Variants in PPP2R2A observed in about 807,000 individuals in gnomAD.
PPP2R2A encodes the protein protein phosphatase 2 regulatory subunit Balpha.
Under a neutral mutation model 53.2 loss-of-function variants are expected in PPP2R2A, and 9 were observed. The observed-to-expected ratio is 0.17, with a 90% confidence interval of 0.10 to 0.30. The LOEUF is 0.30. PPP2R2A is among the 10% of genes least tolerant of loss of function. The pLI, the probability that PPP2R2A is intolerant of heterozygous loss-of-function variation, is 1.00. For missense variants in PPP2R2A, 235 were observed against 534.6 expected, an observed-to-expected ratio of 0.44 and a Z score of 5.53; for synonymous variants, 169 against 174.2, an observed-to-expected ratio of 0.97 and a Z score of 0.23.
chr8:26,319,506 T>A (rs1563294632), intron 2 of PPP2R2A, among the ~76,000 whole-genome samples: 1 of 152,234 alleles, frequency 6.6e-6, no homozygotes, highest in Non-Finnish European at 1.5e-5. Context: ...TCTTTAGCCC[T>A]TTGATCCACT....
In PPP2R2A at chr8:26,338,546, T is replaced by C. The variant is rs1428873735; in HGVS notation, c.83-344T>C. The stretch of plus-strand genomic sequence containing the variant: ...TGCATAAACAAGCTTATCAAATGTA[T>C]ATAAGAAAATTAGCAAGATAATGTT... On this transcript the variant is annotated intron_variant, in intron 2 of 9. Transcript: ENST00000380737. This position sits in a 1 kb window ranked among gnomAD's most constrained non-coding sequence, Gnocchi z 4.5. Among the ~76,000 whole-genome samples, 1 of 152,364 alleles carries C rather than the reference T, an allele frequency of 6.6e-6. No homozygotes were observed. Among genetic ancestry groups the C allele is most frequent in the South Asian group, 2.1e-4 (1 of 4,828 alleles).
rs181703175 is a variant in PPP2R2A at position 26,357,898 on chromosome 8, T to A, written c.347-2271T>A. Among the ~76,000 whole-genome samples, 469 of 152,248 alleles carry A rather than the reference T, an allele frequency of 3.1e-3. 10 individuals are homozygous for A. Among genetic ancestry groups the A allele is most frequent in the Admixed American group, 0.026 (399 of 15,288 alleles). ...ATCTAATAACGTCTCCACTGAAAAC[T>A]GTGTTTTTACATAATCTCACATACA... On this transcript the variant is annotated intron_variant, in intron 4 of 9. Transcript: ENST00000380737.
chr8:26,360,053 G>GT lies in PPP2R2A; in HGVS notation c.347-103dup, dbSNP rs11321025. ...AATTTTTTAGTAAGTTCAGATTAGG[G>GT]TTTTTTTTTTTTTCGTGGAATCCTT... On this transcript the variant is annotated intron_variant, in intron 4 of 9. Coordinates refer to ENST00000380737, the MANE Select transcript of PPP2R2A (RefSeq NM_002717.4). This position sits in a 1 kb window ranked among gnomAD's most constrained non-coding sequence, Gnocchi z 4.5. 0.018 allele frequency: 7,803 copies of GT among 425,730 alleles called. No homozygotes were observed. The highest frequency in any genetic ancestry group is 0.03 in the Middle Eastern group (46 of 1,546). The allele number at this position is 425,730 out of a possible 1,614,324, so 26.4% of individuals were successfully genotyped here. A position where few individuals can be genotyped will look rare whatever the true frequency, so the allele number is the denominator to read the frequency against.
intron 9 of PPP2R2A, among the ~76,000 whole-genome samples, chr8:26,367,719 C>T (rs1805454147): frequency 6.6e-6 from 1 of 152,184 alleles, no homozygotes. Flanking sequence ...TGAGTATTTC[C>T]TGACAAAAAC....
At position 26,362,115 on chromosome 8, in the gene PPP2R2A, AAAG is replaced by A. The variant is rs1805132796; in HGVS notation, c.638-566_638-564del. Among the ~76,000 whole-genome samples the A allele has an allele frequency of 6.6e-6, 1 of 151,350 alleles. No individual in the cohort carries two copies. Among genetic ancestry groups the A allele is most frequent in the Non-Finnish European group, 1.5e-5 (1 of 67,862 alleles). On this transcript the variant is annotated intron_variant, in intron 6 of 9. Transcript: ENST00000380737. This position sits in a 1 kb window ranked among gnomAD's most constrained non-coding sequence, Gnocchi z 4.4. Reference sequence around the variant, plus strand: ...AGATTAGATTAGAAAAAGATTAGAAAAAGAAAGATTAAAGATTACGATTAGATT... The same window carrying A: ...AGATTAGATTAGAAAAAGATTAGAAAAAAGATTAAAGATTACGATTAGATT...
intron 3 of PPP2R2A, among the ~76,000 whole-genome samples, chr8:26,346,242 G>T (rs1804210213): frequency 6.6e-6 from 1 of 151,966 alleles, no homozygotes; most frequent in African/African-American, 2.4e-5. Flanking sequence ...CCAGGTTCAA[G>T]TCATCCTTAT....
At chr8:26,355,882 A>G (rs993710099) in intron 4 of PPP2R2A, among the ~76,000 whole-genome samples, 1 of 152,040 alleles carries the variant, frequency 6.6e-6, no homozygotes, top group African/African-American at 2.4e-5. Flanking sequence ...AAAAAAAAAA[A>G]AAAGTTAGTA....
At chr8:26,343,666 C>A (rs754471300) in intron 3 of PPP2R2A, among the ~76,000 whole-genome samples, 1 of 152,072 alleles carries the variant, frequency 6.6e-6, no homozygotes, top group Non-Finnish European at 1.5e-5. Flanking sequence ...GCGTGAGCCA[C>A]CGTGCCTGGC....
At chr8:26,313,077 C>T (rs530519043) in intron 2 of PPP2R2A, among the ~76,000 whole-genome samples, 5 of 143,900 alleles carry the variant, frequency 3.5e-5, no homozygotes, top group Admixed American at 1.4e-4. Flanking sequence ...CTTGTTCTGT[C>T]GCCCAGGCTG....
At chr8:26,325,380 CTT>C (rs1803037860) in intron 2 of PPP2R2A, among the ~76,000 whole-genome samples, 1 of 152,038 alleles carries the variant, frequency 6.6e-6, no homozygotes, top group African/African-American at 2.4e-5. Context: ...TAAGAGGTAA[CTT>C]TCACCTCCCG....
At chr8:26,329,202 A>G (rs1339638822) in intron 2 of PPP2R2A, among the ~76,000 whole-genome samples, 1 of 152,160 alleles carries the variant, frequency 6.6e-6, no homozygotes, top group African/African-American at 2.4e-5. Context: ...GTCAGACAGT[A>G]TGGTCTTTAT....
chr8:26,301,436 G>A (rs74898647), intron 2 of PPP2R2A, among the ~76,000 whole-genome samples: 34,972 of 150,810 alleles, frequency 0.23, 5,026 homozygotes, highest in Non-Finnish European at 0.32. Context: ...AGGCTCAAGC[G>A]ATCCTCCTGC....
chr8:26,363,576 C>A (rs945485474), intron 7 of PPP2R2A, 145 bp from the exon 8 acceptor site: 18 of 667,760 alleles, frequency 2.7e-5, no homozygotes, highest in Middle Eastern at 8.2e-4. Context: ...AGAATTCTAG[C>A]CAGAGAGATG....
At chr8:26,348,931 A>T (rs1804356028) in intron 3 of PPP2R2A, among the ~76,000 whole-genome samples, 1 of 152,022 alleles carries the variant, frequency 6.6e-6, no homozygotes, top group South Asian at 2.1e-4. Context: ...TCACTTTGTA[A>T]TGTTTAGTTT....
chr8:26,291,796 C>T lies in PPP2R2A; in HGVS notation c.-24C>T, dbSNP rs1801307248. ...GAAGCGGAGACCCCGAGGAACCCAG[C>T]AGGGTCACCATTTGCAGCGCAACAT... is the stretch of plus-strand genomic sequence containing the variant. On this transcript the variant is annotated 5_prime_UTR_variant, in exon 1 of 10. Transcript: ENST00000380737. The T allele has an allele frequency of 6.2e-7, 1 of 1,602,254 alleles. No homozygotes were observed. Among genetic ancestry groups the T allele is most frequent in the Non-Finnish European group, 8.5e-7 (1 of 1,175,186 alleles).
chr8:26,294,183 A>T (rs1000209389), intron 2 of PPP2R2A, among the ~76,000 whole-genome samples: 2 of 152,178 alleles, frequency 1.3e-5, no homozygotes, highest in African/African-American at 4.8e-5. Flanking sequence ...TTTTTTAACT[A>T]CTTTTGAATT....
At chr8:26,334,052 T>G (rs1344843100) in intron 2 of PPP2R2A, among the ~76,000 whole-genome samples, 2 of 152,232 alleles carry the variant, frequency 1.3e-5, no homozygotes, top group Non-Finnish European at 2.9e-5. Flanking sequence ...AAATACTACC[T>G]TTATATCGCA....
rs1217244206 is a variant in PPP2R2A at position 26,291,517 on chromosome 8, G to A, written c.-303G>A. The A allele has an allele frequency of 1.1e-5, 3 of 276,026 alleles. No homozygotes were observed. The highest frequency in any genetic ancestry group is 1.3e-4 in the East Asian group (1 of 7,774). The allele number at this position is 276,026 out of a possible 1,614,324, so 17.1% of individuals were successfully genotyped here. A position where few individuals can be genotyped will look rare whatever the true frequency, so the allele number is the denominator to read the frequency against. On this transcript the variant is annotated 5_prime_UTR_variant, in exon 1 of 10. Transcript: ENST00000380737. ...GGTGACGTCACTGGCCAGGCCAGCC[G>A]GCGCCATTTTGAAAGTGGAGTCGCC...
chr8:26,352,653 G>A (rs953785468), intron 3 of PPP2R2A, among the ~76,000 whole-genome samples: 5 of 152,156 alleles, frequency 3.3e-5, no homozygotes, highest in African/African-American at 7.2e-5. Context: ...TGCAGTCCAC[G>A]AAACTGCCAT....
Sources: allele counts gnomAD v4.1 joint callset (sites outside exome capture counted in the v4.1 genomes callset), GRCh38; gene constraint gnomAD v4.1.1; non-coding constraint Gnocchi (gnomAD v3.1); transcripts MANE v1.5; gene names NCBI Gene and HGNC (gene_info 2026-07-23, HGNC 2026-07-21).